Variants in ZFAND6 observed in about 807,000 individuals in gnomAD.
ZFAND6 encodes zinc finger AN1-type containing 6, also known as AN1-type zinc finger protein 6.
ZFAND6 carries 12 observed loss-of-function variants against 24.5 expected under a neutral mutation model. That is an observed-to-expected ratio of 0.49 (90% CI 0.31 to 0.79). The LOEUF (loss-of-function observed/expected upper bound fraction) is 0.79, where lower values mean the gene tolerates loss of function less well. ZFAND6 is among the 30% of genes least tolerant of loss of function. The probability of loss-of-function intolerance (pLI) is 0.04; values close to 1 mark genes in which losing one functional copy is unlikely to be tolerated. For synonymous variants in ZFAND6, 92 were observed against 81.5 expected (o/e 1.13, Z -0.69); for missense variants, 207 against 245.9 (o/e 0.84, Z 1.06).
intron 1 of ZFAND6, among the ~76,000 whole-genome samples, chr15:80,094,055 A>G (rs1278183014): frequency 6.6e-6 from 1 of 152,206 alleles, no homozygotes; most frequent in African/African-American, 2.4e-5. Flanking sequence ...GTTGGATTGG[A>G]TGGAGTTTGT....
At chr15:80,063,640 C>G (rs897602469) in intron 1 of ZFAND6, among the ~76,000 whole-genome samples, 3 of 151,768 alleles carry the variant, frequency 2.0e-5, no homozygotes, top group Admixed American at 1.3e-4. Flanking sequence ...TCACAGCAAC[C>G]TGGGTTCAAG....
intron 1 of ZFAND6, among the ~76,000 whole-genome samples, chr15:80,081,490 C>T (rs1341902692): frequency 1.3e-5 from 2 of 152,058 alleles, no homozygotes; most frequent in East Asian, 1.9e-4. Flanking sequence ...TGCAGAGTAC[C>T]GTATTGTCAA....
At chr15:80,103,794 A>G (rs571708458) in intron 2 of ZFAND6, among the ~76,000 whole-genome samples, 9 of 152,318 alleles carry the variant, frequency 5.9e-5, no homozygotes, top group African/African-American at 2.2e-4. Context: ...ACTTAGGAGA[A>G]ATAAACTTTA....
chr15:80,123,039 T>C (rs1010402510), intron 5 of ZFAND6: 10 of 402,280 alleles, frequency 2.5e-5, no homozygotes, highest in African/African-American at 2.0e-4. Context: ...GTTTGGAAAA[T>C]ATAATTAAAT....
chr15:80,117,830 G>A (rs1384618303), intron 2 of ZFAND6, among the ~76,000 whole-genome samples: 1 of 142,500 alleles, frequency 7.0e-6, no homozygotes, highest in Non-Finnish European at 1.5e-5. Context: ...CCCTTGATAA[G>A]GCTTCATCTA....
At chr15:80,078,365 A>T (rs745756059) in intron 1 of ZFAND6, among the ~76,000 whole-genome samples, 5 of 152,220 alleles carry the variant, frequency 3.3e-5, no homozygotes, top group African/African-American at 4.8e-5. Context: ...AGCCCCATCC[A>T]TGTTGCTACA....
rs549870695 is a variant in ZFAND6, at chr15:80,076,399, G to A, written c.-181+16590G>A. Among the ~76,000 whole-genome samples the A allele has an allele frequency of 1.3e-4, 19 of 149,800 alleles. No homozygotes were observed. The South Asian group carries it at 3.8e-3, about 30-fold the overall frequency. Reference sequence around the variant, plus strand: ...ATCAATCTTTTTTTTTTTCCTTCACGTGTTAGCATAAGGCCACACGGTATG... The same window carrying A: ...ATCAATCTTTTTTTTTTTCCTTCACATGTTAGCATAAGGCCACACGGTATG... On this transcript the variant is annotated intron_variant, in intron 1 of 6. Coordinates refer to ENST00000261749, the MANE Select transcript of ZFAND6 (RefSeq NM_019006.4).
At chr15:80,068,183 T>C (rs1387032628) in intron 1 of ZFAND6, among the ~76,000 whole-genome samples, 3 of 151,600 alleles carry the variant, frequency 2.0e-5, no homozygotes, top group East Asian at 3.9e-4. Context: ...GTGTTGCCTT[T>C]GTCGCCCAGG....
chr15:80,099,634 T>TTTTTTTTTG (rs1555431664), intron 2 of ZFAND6, among the ~76,000 whole-genome samples: 1 of 148,598 alleles, frequency 6.7e-6, no homozygotes, highest in Admixed American at 6.7e-5. Context: ...TTTTTTTTTT[T>TTTTTTTTTG]CGAGACGGAG....
intron 4 of ZFAND6, among the ~76,000 whole-genome samples, chr15:80,122,355 T>A (rs901188835): frequency 1.3e-5 from 2 of 152,180 alleles, no homozygotes; most frequent in African/African-American, 4.8e-5. Context: ...CAGTTCATGA[T>A]AAGATATGTT....
intron 2 of ZFAND6, among the ~76,000 whole-genome samples, chr15:80,105,238 T>C (rs576889179): frequency 1.3e-5 from 2 of 152,356 alleles, no homozygotes; most frequent in Non-Finnish European, 2.9e-5. Context: ...ATACATCATT[T>C]TATAAACTTT....
chr15:80,079,672 T>TG (rs1176377856), intron 1 of ZFAND6, among the ~76,000 whole-genome samples: 1 of 131,194 alleles, frequency 7.6e-6, no homozygotes, highest in Non-Finnish European at 1.6e-5. Flanking sequence ...TTTTTTGAAA[T>TG]GGAGTCTCGC....
intron 2 of ZFAND6, among the ~76,000 whole-genome samples, chr15:80,104,725 C>A (rs1458792153): frequency 6.6e-6 from 1 of 152,128 alleles, no homozygotes; most frequent in Non-Finnish European, 1.5e-5. Context: ...TCATATTCTT[C>A]TTTGCATTAG....
intron 2 of ZFAND6, among the ~76,000 whole-genome samples, chr15:80,116,092 T>A (rs1596296528): frequency 6.6e-6 from 1 of 151,736 alleles, no homozygotes; most frequent in East Asian, 1.9e-4. Flanking sequence ...TTTTTAGGTT[T>A]TTTTTTTGTT....
At chr15:80,103,636 A>G (rs2039152868) in intron 2 of ZFAND6, among the ~76,000 whole-genome samples, 1 of 152,158 alleles carries the variant, frequency 6.6e-6, no homozygotes, top group South Asian at 2.1e-4. Context: ...TTTAATTGAA[A>G]TCTTTTGCAG....
At chr15:80,137,194 T>G (rs1596328498) in intron 6 of ZFAND6, among the ~76,000 whole-genome samples, 1 of 152,256 alleles carries the variant, frequency 6.6e-6, no homozygotes, top group Non-Finnish European at 1.5e-5. Flanking sequence ...GTTTTACATT[T>G]TCAACCTAGC....
intron 5 of ZFAND6, chr15:80,130,292 A>C (rs570594698): frequency 6.6e-6 from 1 of 152,300 alleles, no homozygotes; most frequent in South Asian, 2.1e-4. Flanking sequence ...CAAATGGGGA[A>C]AAAGGAAACC....
intron 1 of ZFAND6, among the ~76,000 whole-genome samples, chr15:80,072,915 AT>A (rs1336850769): frequency 1.3e-5 from 2 of 151,158 alleles, no homozygotes; most frequent in Non-Finnish European, 3.0e-5. Flanking sequence ...CAATAACAGG[AT>A]TTTTTTTTGA....
chr15:80,122,862 G>T, intron 5 of ZFAND6, 62 bp downstream of exon 5: 1 of 1,320,970 alleles, frequency 7.6e-7, no homozygotes, highest in Non-Finnish European at 1.1e-6. Context: ...CACTATCCTA[G>T]GTGCATGTAT....
Sources: gnomAD v4.1 joint callset for allele counts (sites outside exome capture counted in the v4.1 genomes callset) on GRCh38, gnomAD v4.1.1 for gene constraint, MANE v1.5 for transcripts, NCBI Gene and HGNC (gene_info 2026-07-23, HGNC 2026-07-21) for gene names.